Variants in IFT43 observed in about 807,000 individuals in gnomAD.
IFT43 encodes the protein intraflagellar transport protein 43 homolog.
IFT43 carries 33 observed loss-of-function variants against 32.3 expected under a neutral mutation model. The ratio of observed to expected loss-of-function variants is 1.02; its 90% CI spans 0.77 to 1.37. The LOEUF (loss-of-function observed/expected upper bound fraction) is 1.37. Among genes scored for constraint, IFT43 ranks in the 40% most tolerant of loss-of-function variants. The probability of loss-of-function intolerance (pLI) is 0.00; values close to 1 mark genes in which losing one functional copy is unlikely to be tolerated. For missense variants in IFT43, 274 were observed against 265.9 expected (o/e 1.03, Z -0.21); for synonymous variants, 93 against 98.2 (o/e 0.95, Z 0.31).
At chr14:76,009,244 T>C (rs1347237625) in intron 2 of IFT43, among the ~76,000 whole-genome samples, 1 of 152,240 alleles carries the variant, frequency 6.6e-6, no homozygotes, top group East Asian at 1.9e-4. Context: ...CCTTGCCCTG[T>C]TATTTACAAA....
At chr14:76,026,485 G>A (rs963988364) in intron 3 of IFT43, among the ~76,000 whole-genome samples, 13 of 150,462 alleles carry the variant, frequency 8.6e-5, no homozygotes, top group African/African-American at 2.9e-4. Context: ...TTGAACCTGG[G>A]AGGCAGAGGT....
At chr14:76,079,102 T>C (rs1713247024) in intron 5 of IFT43, among the ~76,000 whole-genome samples, 3 of 152,188 alleles carry the variant, frequency 2.0e-5, no homozygotes, top group Admixed American at 1.3e-4. Flanking sequence ...CCCTTCACTA[T>C]AGGAGGAGGC....
chr14:75,996,375 G>T (rs925314194), intron 2 of IFT43, among the ~76,000 whole-genome samples: 2 of 152,148 alleles, frequency 1.3e-5, no homozygotes, highest in Non-Finnish European at 2.9e-5. Context: ...TATCTCATTG[G>T]GTTGTTGGAG....
chr14:76,075,225 T>A (rs1474948916), intron 5 of IFT43, among the ~76,000 whole-genome samples: 2 of 152,174 alleles, frequency 1.3e-5, no homozygotes, highest in East Asian at 3.9e-4. Context: ...ACTGTCGCAG[T>A]TTTCAGACTC....
At chr14:75,989,082 A>G (rs780711075) in intron 2 of IFT43, 105 bp downstream of exon 2, 79 of 1,348,688 alleles carry the variant, frequency 5.9e-5, no homozygotes, top group Non-Finnish European at 7.1e-5. Flanking sequence ...TTGAATGCCA[A>G]CCCTTTCTCC....
chr14:76,023,757 A>G, intron 3 of IFT43, among the ~76,000 whole-genome samples: 1 of 152,190 alleles, frequency 6.6e-6, no homozygotes, highest in East Asian at 1.9e-4. Context: ...GGTTTGGGAG[A>G]AGTAATTCCA....
chr14:76,042,551 C>G (rs1235432871), intron 3 of IFT43, among the ~76,000 whole-genome samples: 1 of 152,236 alleles, frequency 6.6e-6, no homozygotes, highest in African/African-American at 2.4e-5. Context: ...CCTTTGGCCT[C>G]GCTCTCTGCA....
At position 75,989,360 on chromosome 14, in the gene IFT43, C is replaced by T. The variant is rs528077125; in HGVS notation, c.147+383C>T. On this transcript the variant is annotated intron_variant, in intron 2 of 8. Transcript: ENST00000314067. ...GGACATTGCTCTCGGTGGTGACCTGCGCTTTCTACAGTCTTCCGGCAGGAA... is the reference window on the plus strand; with the variant it reads ...GGACATTGCTCTCGGTGGTGACCTGTGCTTTCTACAGTCTTCCGGCAGGAA... Among the ~76,000 whole-genome samples, 5 of 144,224 alleles carry T rather than the reference C, an allele frequency of 3.5e-5. No individual in the cohort carries two copies. The South Asian group carries it at 6.8e-4, about 20-fold the overall frequency. The allele number at this position is 144,224 out of a possible 152,430, so 94.6% of individuals were successfully genotyped here. A position where few individuals can be genotyped will look rare whatever the true frequency, so the allele number is the denominator to read the frequency against.
At position 76,042,412 on chromosome 14, in the gene IFT43, A is replaced by G. The variant is rs140589176; in HGVS notation, c.216-16230A>G. Among the ~76,000 whole-genome samples, 451 of 152,300 alleles carry G rather than the reference A, an allele frequency of 3.0e-3. 1 individual carries two copies. Among genetic ancestry groups the G allele is most frequent in the African/African-American group, 0.01 (431 of 41,546 alleles). ...GTTTTTATGCCCCTTGACACCTGAT[A>G]CAGCATCTTTGCCCGTGGTAGAACC... On this transcript the variant is annotated intron_variant, in intron 3 of 8. Coordinates refer to ENST00000314067, the MANE Select transcript of IFT43 (RefSeq NM_001102564.3).
Position 76,077,648 on chromosome 14 carries a change from T to G in IFT43, c.296-4647T>G, listed in dbSNP as rs142782907. Among the ~76,000 whole-genome samples the G allele has an allele frequency of 3.9e-3, 600 of 152,274 alleles. 4 individuals are homozygous for G. In the Middle Eastern group the frequency reaches 0.054, roughly 14 times the overall value. ...ATGGAAGGATAAAGTAGGAAGCTCTTATTTCTGCTTGTTAGATTCAGAAGT... is the reference window on the plus strand; with the variant it reads ...ATGGAAGGATAAAGTAGGAAGCTCTGATTTCTGCTTGTTAGATTCAGAAGT... On this transcript the variant is annotated intron_variant, in intron 5 of 8. Transcript: ENST00000314067.
Position 76,024,732 on chromosome 14 carries a change from G to A in IFT43, c.215+2338G>A, listed in dbSNP as rs560600445. On this transcript the variant is annotated intron_variant, in intron 3 of 8. Coordinates refer to ENST00000314067, the MANE Select transcript of IFT43 (RefSeq NM_001102564.3). ...ATGGCATCTATAGTAGGATGGTGCT[G>A]GCTGTCACCTTCAGCCACATTTGTT... is the stretch of plus-strand genomic sequence containing the variant. Among the ~76,000 whole-genome samples, 11 of 152,338 alleles carry A rather than the reference G, an allele frequency of 7.2e-5. No individual in the cohort carries two copies. The South Asian group carries it at 2.3e-3, about 32-fold the overall frequency.
chr14:76,010,966 G>A lies in IFT43; in HGVS notation c.148-11361G>A, dbSNP rs1302794846. On this transcript the variant is annotated intron_variant, in intron 2 of 8. Transcript: ENST00000314067. ...TGCCCAGGCTGGAGTGCAGTGGCAT[G>A]ATCATAGCTCAGTGTAGCCTCAACC... is the stretch of plus-strand genomic sequence containing the variant. Among the ~76,000 whole-genome samples the A allele has an allele frequency of 2.0e-5, 3 of 150,808 alleles. No homozygotes were observed. In the East Asian group the frequency reaches 5.8e-4, roughly 29 times the overall value.
At chr14:76,068,516 C>G (rs2037265868) in intron 5 of IFT43, among the ~76,000 whole-genome samples, 4 of 152,216 alleles carry the variant, frequency 2.6e-5, no homozygotes, top group Non-Finnish European at 2.9e-5. Context: ...ATTCATGATT[C>G]TGGAGAATAG....
intron 3 of IFT43, among the ~76,000 whole-genome samples, chr14:76,036,373 G>A (rs1034332560): frequency 2.2e-5 from 3 of 134,902 alleles, no homozygotes; most frequent in Admixed American, 7.3e-5. Context: ...TTGTTCGTTC[G>A]TTTGTTCTTT....
At chr14:76,015,104 CAAGGTTGATTTCTGGGGA>C (rs1566708097) in intron 2 of IFT43, among the ~76,000 whole-genome samples, 2 of 152,136 alleles carry the variant, frequency 1.3e-5, no homozygotes, top group African/African-American at 2.4e-5. Flanking sequence ...ACATAGGTAA[CAAGGTTGATTTCTGGGGA>C]AGAGCATATA....
At chr14:76,035,974 T>C (rs1447320926) in intron 3 of IFT43, among the ~76,000 whole-genome samples, 1 of 152,258 alleles carries the variant, frequency 6.6e-6, no homozygotes. Flanking sequence ...CACACAGTTA[T>C]TTAGTCTCAA....
chr14:76,042,256 G>GT (rs1467661902), intron 3 of IFT43, among the ~76,000 whole-genome samples: 3 of 147,046 alleles, frequency 2.0e-5, no homozygotes, highest in East Asian at 2.0e-4. Context: ...AAACTGAAGA[G>GT]TAAAAAAAAA....
At chr14:76,010,535 A>G (rs1017216136) in intron 2 of IFT43, among the ~76,000 whole-genome samples, 2 of 152,170 alleles carry the variant, frequency 1.3e-5, no homozygotes, top group African/African-American at 4.8e-5. Context: ...TTCAACTGTT[A>G]CTACCATTTT....
chr14:75,994,720 A>G (rs962592832), intron 2 of IFT43, among the ~76,000 whole-genome samples: 7 of 152,254 alleles, frequency 4.6e-5, no homozygotes, highest in African/African-American at 1.4e-4. Context: ...TTGCTGGAAG[A>G]TAGTTCTATG....
Sources: allele counts gnomAD v4.1 joint callset (sites outside exome capture counted in the v4.1 genomes callset), GRCh38; gene constraint gnomAD v4.1.1; transcripts MANE v1.5; gene names NCBI Gene and HGNC (gene_info 2026-07-23, HGNC 2026-07-21).